The following RAB27B variants were observed in gnomAD, a reference collection of about 807,000 sequenced individuals.
RAB27B encodes RAB27B, member RAS oncogene family, also known as ras-related protein Rab-27B.
A neutral mutation model predicts 24.6 loss-of-function variants in RAB27B; 15 were observed. That is an observed-to-expected ratio of 0.61 (90% CI 0.41 to 0.94). RAB27B has a LOEUF of 0.94. Ranked by LOEUF, RAB27B falls within the 40% of genes least tolerant of loss-of-function variation. The pLI, the probability that RAB27B is intolerant of heterozygous loss-of-function variation, is 0.00. For synonymous variants in RAB27B, 105 were observed against 92.5 expected (o/e 1.14, Z -0.78); for missense variants, 261 against 266.8 (o/e 0.98, Z 0.15).
intron 1 of RAB27B, among the ~76,000 whole-genome samples, chr18:54,852,962 T>C (rs1568097878): frequency 6.6e-6 from 1 of 152,188 alleles, no homozygotes; most frequent in Non-Finnish European, 1.5e-5. Flanking sequence ...GAGAACGCAA[T>C]ATGAGTATCT....
At chr18:54,823,856 T>C (rs1910387735), upstream of RAB27B, among the ~76,000 whole-genome samples, 1 of 152,216 alleles carries the variant, frequency 6.6e-6, no homozygotes, top group Non-Finnish European at 1.5e-5. Context: ...TTTATTTTTA[T>C]TAAGGTAATA....
chr18:54,809,394 G>T (rs937802249), intron 2 of RAB27B, among the ~76,000 whole-genome samples: 2 of 152,132 alleles, frequency 1.3e-5, no homozygotes, highest in Non-Finnish European at 2.9e-5. Context: ...GAACTATGGA[G>T]CAGACCACAT....
intron 2 of RAB27B, among the ~76,000 whole-genome samples, chr18:54,796,656 C>G (rs989549028): frequency 6.6e-6 from 1 of 152,156 alleles, no homozygotes; most frequent in Non-Finnish European, 1.5e-5. Context: ...CTGCTCCTCT[C>G]GACTTTCACC....
chr18:54,807,942 T>A lies in RAB27B; in HGVS notation c.-19-69625T>A, dbSNP rs1909844288. Among the ~76,000 whole-genome samples, 2 of 152,178 alleles carry A rather than the reference T, an allele frequency of 1.3e-5. 1 individual carries two copies. The highest frequency in any genetic ancestry group is 4.1e-4 in the South Asian group (2 of 4,834). ...GAACGTAGGAATCCATATTACTTGG[T>A]CTTTTAGATCTTGTTGTCTCCAGTC... On this transcript the variant is annotated intron_variant, in intron 2 of 4. Coordinates refer to the RAB27B transcript ENST00000586570.
At chr18:54,796,495 G>A (rs1181126741) in intron 2 of RAB27B, among the ~76,000 whole-genome samples, 3 of 152,158 alleles carry the variant, frequency 2.0e-5, no homozygotes, top group African/African-American at 7.2e-5. Context: ...CAGTGAGATG[G>A]GTGGGGAGCC....
At chr18:54,849,310 T>C (rs946215785) in intron 1 of RAB27B, among the ~76,000 whole-genome samples, 6 of 152,222 alleles carry the variant, frequency 3.9e-5, no homozygotes, top group Non-Finnish European at 8.8e-5. Context: ...GGATGCTAGC[T>C]TTTAGTCAAC....
intron 2 of RAB27B, among the ~76,000 whole-genome samples, chr18:54,769,923 G>T (rs1055838326): frequency 6.6e-6 from 1 of 151,942 alleles, no homozygotes; most frequent in African/African-American, 2.4e-5. Flanking sequence ...TCCCAGGCTG[G>T]ATTGTGCAAT....
chr18:54,718,897 C>T (rs951945188), intron 2 of RAB27B, among the ~76,000 whole-genome samples: 7 of 152,246 alleles, frequency 4.6e-5, no homozygotes, highest in African/African-American at 1.2e-4. Flanking sequence ...TCTTTTAATA[C>T]TTTAAAGCCT....
upstream of RAB27B, chr18:54,828,238 C>A (rs1910539958): frequency 6.6e-6 from 1 of 152,150 alleles, no homozygotes; most frequent in Admixed American, 6.5e-5. Context: ...TCAAAGAAAA[C>A]ACAGAACAAA....
chr18:54,831,864 A>G (rs1027884598), intron 1 of RAB27B, among the ~76,000 whole-genome samples: 15 of 151,942 alleles, frequency 9.9e-5, no homozygotes, highest in African/African-American at 3.4e-4. Context: ...CAACCTCCAC[A>G]TCCCGGGTTC....
chr18:54,878,936 T>TA lies in RAB27B; in HGVS notation c.154-426dup, dbSNP rs569394762. On this transcript the variant is annotated intron_variant, in intron 2 of 5. Transcript: ENST00000262094. ...ATATTTGTAAAGCACTTTACTGTTT[T>TA]AAAAAAACTGCTTTTACCATCTGTG... Among the ~76,000 whole-genome samples, 69 of 152,240 alleles carry TA rather than the reference T, an allele frequency of 4.5e-4. 1 individual carries two copies. Among genetic ancestry groups the TA allele is most frequent in the African/African-American group, 1.4e-3 (57 of 41,566 alleles).
intron 1 of RAB27B, among the ~76,000 whole-genome samples, chr18:54,870,775 G>A (rs1478223285): frequency 6.6e-6 from 1 of 152,136 alleles, no homozygotes; most frequent in Non-Finnish European, 1.5e-5. Flanking sequence ...ACTGTGGTAA[G>A]GTTGAGAGAT....
At chr18:54,813,070 C>A (rs570656546) in intron 2 of RAB27B, among the ~76,000 whole-genome samples, 1 of 152,124 alleles carries the variant, frequency 6.6e-6, no homozygotes, top group African/African-American at 2.4e-5. Flanking sequence ...ATGCTGCTTT[C>A]GGTTGTGGCT....
intron 1 of RAB27B, among the ~76,000 whole-genome samples, chr18:54,871,331 C>CG (rs1195272266): frequency 6.6e-6 from 1 of 152,134 alleles, no homozygotes; most frequent in East Asian, 1.9e-4. Flanking sequence ...AATGTGGTTA[C>CG]GGGAACGAAT....
At chr18:54,807,538 C>G (rs1484735147) in intron 2 of RAB27B, among the ~76,000 whole-genome samples, 4 of 152,156 alleles carry the variant, frequency 2.6e-5, no homozygotes, top group Non-Finnish European at 1.5e-5. Context: ...TTGACACAAC[C>G]AGCTCATTTC....
chr18:54,831,651 T>C (rs2145184539), intron 1 of RAB27B, among the ~76,000 whole-genome samples: 1 of 152,224 alleles, frequency 6.6e-6, no homozygotes, highest in Admixed American at 6.5e-5. Context: ...AATAAACAAA[T>C]TAGTAATTCT....
At chr18:54,769,074 A>G (rs1375809872) in intron 2 of RAB27B, among the ~76,000 whole-genome samples, 1 of 152,076 alleles carries the variant, frequency 6.6e-6, no homozygotes, top group Admixed American at 6.6e-5. Flanking sequence ...CATTAACTCA[A>G]AAGTCCACAG....
intron 3 of RAB27B, among the ~76,000 whole-genome samples, chr18:54,882,689 G>A (rs1193166147): frequency 6.6e-6 from 1 of 152,166 alleles, no homozygotes; most frequent in Non-Finnish European, 1.5e-5. Flanking sequence ...TGAAAGCCCA[G>A]GGGAGCAGAG....
intron 2 of RAB27B, among the ~76,000 whole-genome samples, chr18:54,783,342 G>A (rs1350819422): frequency 3.9e-5 from 6 of 152,102 alleles, no homozygotes; most frequent in East Asian, 1.9e-4. Context: ...TTTGGAGTTT[G>A]AAGAATGTAT....
Sources: gnomAD v4.1 joint callset for allele counts (sites outside exome capture counted in the v4.1 genomes callset) on GRCh38, gnomAD v4.1.1 for gene constraint, MANE v1.5 for transcripts, NCBI Gene and HGNC (gene_info 2026-07-23, HGNC 2026-07-21) for gene names.